The following LRRIQ3 variants were observed in gnomAD, a reference collection of about 807,000 sequenced individuals.
LRRIQ3 encodes leucine-rich repeat and IQ domain-containing protein 3.
LRRIQ3 carries 75 observed loss-of-function variants against 59.3 expected under a neutral mutation model. The observed-to-expected ratio is 1.26, with a 90% confidence interval of 1.05 to 1.53. LRRIQ3 has a LOEUF of 1.53. LRRIQ3 is among the 40% of genes most tolerant of loss of function. The pLI is 0.00. For missense variants in LRRIQ3, 831 were observed against 710.0 expected (o/e 1.17, Z -1.94); for synonymous variants, 250 against 231.3 (o/e 1.08, Z -0.73).
intron 4 of LRRIQ3, among the ~76,000 whole-genome samples, chr1:74,126,314 T>C (rs563289457): frequency 1.3e-5 from 2 of 151,824 alleles, no homozygotes; most frequent in Non-Finnish European, 2.9e-5. Context: ...TTTCATTTCA[T>C]TGGTCTTTTG....
chr1:74,054,750 A>ATATATC lies in LRRIQ3; in HGVS notation c.998-12818_998-12817insGATATA, dbSNP rs1553162599. ...AGGAAGAAAACACAAATATATATAT[A>ATATATC]TATATATCTATATATCTACATACAC... On this transcript the variant is annotated intron_variant, in intron 6 of 7. Transcript: ENST00000354431. 6.8e-3 allele frequency among the ~76,000 whole-genome samples: 987 copies of ATATATC among 145,722 alleles called. 14 individuals carry two copies. The highest frequency in any genetic ancestry group is 0.024 in the African/African-American group (946 of 40,022).
chr1:74,123,919 C>T, intron 4 of LRRIQ3, among the ~76,000 whole-genome samples: 1 of 151,832 alleles, frequency 6.6e-6, no homozygotes, highest in East Asian at 1.9e-4. Context: ...TACATTCCTA[C>T]CAACAATGCC....
intron 3 of LRRIQ3, among the ~76,000 whole-genome samples, chr1:74,179,659 C>A (rs1410243232): frequency 6.6e-6 from 1 of 151,914 alleles, no homozygotes; most frequent in African/African-American, 2.4e-5. Context: ...AAATACAAAA[C>A]ATTTCAATGA....
chr1:74,158,216 T>G (rs1320286400), intron 3 of LRRIQ3, among the ~76,000 whole-genome samples: 1 of 152,176 alleles, frequency 6.6e-6, no homozygotes, highest in Non-Finnish European at 1.5e-5. Flanking sequence ...CTTCATTAAT[T>G]CCTGTTCCCC....
intron 4 of LRRIQ3, among the ~76,000 whole-genome samples, chr1:74,140,373 A>T (rs1319151258): frequency 1.3e-5 from 2 of 151,834 alleles, no homozygotes; most frequent in African/African-American, 2.4e-5. Context: ...TGACATAATG[A>T]TTTTTAATTT....
chr1:74,167,664 C>A (rs756588065), intron 3 of LRRIQ3, among the ~76,000 whole-genome samples: 3 of 151,504 alleles, frequency 2.0e-5, no homozygotes, highest in Non-Finnish European at 4.4e-5. Context: ...ATATTGTGTA[C>A]ATTGCTCTGG....
Position 74,096,717 on chromosome 1 carries a change from T to C in LRRIQ3, c.867+12677A>G, listed in dbSNP as rs948211059. Among the ~76,000 whole-genome samples the C allele has an allele frequency of 7.2e-5, 11 of 152,230 alleles. No individual in the cohort carries two copies. In the South Asian group the frequency reaches 1.2e-3, roughly 17 times the overall value. On this transcript the variant is annotated intron_variant, in intron 5 of 7. Coordinates refer to ENST00000354431, the MANE Select transcript of LRRIQ3 (RefSeq NM_001105659.2). Reference sequence around the variant, plus strand: ...GTCTTTGATGATGGTGACATACAGATGGGGTTTTGGTGTGGAGGTCCTTTC... The same window carrying C: ...GTCTTTGATGATGGTGACATACAGACGGGGTTTTGGTGTGGAGGTCCTTTC...
chr1:74,053,863 A>C (rs533898683), intron 6 of LRRIQ3, among the ~76,000 whole-genome samples: 33 of 152,290 alleles, frequency 2.2e-4, no homozygotes, highest in African/African-American at 7.9e-4. Flanking sequence ...AACATTGACA[A>C]CACCAAATAC....
intron 1 of LRRIQ3, among the ~76,000 whole-genome samples, chr1:74,185,132 T>C (rs1650274731): frequency 6.6e-6 from 1 of 152,216 alleles, no homozygotes; most frequent in East Asian, 1.9e-4. Context: ...GTGCAGGTTT[T>C]TGTGTGGATA....
At chr1:74,078,189 A>G (rs1049902963) in intron 5 of LRRIQ3, among the ~76,000 whole-genome samples, 1 of 151,858 alleles carries the variant, frequency 6.6e-6, no homozygotes, top group Non-Finnish European at 1.5e-5. Context: ...TTAGATAGAG[A>G]TCAGAAACGT....
chr1:74,121,568 A>G (rs191238669), intron 4 of LRRIQ3, among the ~76,000 whole-genome samples: 4 of 151,860 alleles, frequency 2.6e-5, no homozygotes, highest in Non-Finnish European at 5.9e-5. Flanking sequence ...TTGGTTACAG[A>G]TCTTCTCATT....
intron 3 of LRRIQ3, among the ~76,000 whole-genome samples, chr1:74,173,921 G>GT (rs1381976353): frequency 6.6e-6 from 1 of 151,912 alleles, no homozygotes; most frequent in Non-Finnish European, 1.5e-5. Flanking sequence ...GTTTTTTATT[G>GT]TTGTTTATAT....
At chr1:74,083,584 A>C (rs1208629938) in intron 5 of LRRIQ3, 1 of 151,734 alleles carries the variant, frequency 6.6e-6, no homozygotes, top group Non-Finnish European at 1.5e-5. Context: ...AACTATCTTA[A>C]CTAGACCAGA....
chr1:74,180,892 C>A, intron 3 of LRRIQ3: 2 of 1,102,500 alleles, frequency 1.8e-6, no homozygotes, highest in East Asian at 2.6e-5. Context: ...CCCTTTCAGT[C>A]TGTGTTAATG....
rs187060636 is a variant in LRRIQ3 at position 74,093,844 on chromosome 1, A to T, written c.867+15550T>A. On this transcript the variant is annotated intron_variant, in intron 5 of 7. Coordinates refer to ENST00000354431, the MANE Select transcript of LRRIQ3 (RefSeq NM_001105659.2). ...AATCTGCCAAATACTTCCCTTCATGACATGGTTTGATGAGCTGAATAAAGG... is the reference window on the plus strand; with the variant it reads ...AATCTGCCAAATACTTCCCTTCATGTCATGGTTTGATGAGCTGAATAAAGG... Among the ~76,000 whole-genome samples the T allele has an allele frequency of 2.5e-3, 387 of 152,228 alleles. 3 individuals are homozygous for T. Among genetic ancestry groups the T allele is most frequent in the African/African-American group, 8.3e-3 (344 of 41,560 alleles).
chr1:74,182,655 T>C lies in LRRIQ3; in HGVS notation c.456A>G (p.Lys152=). The C allele has an allele frequency of 1.2e-6, 2 of 1,611,898 alleles. No individual in the cohort carries two copies. Among genetic ancestry groups the C allele is most frequent in the Non-Finnish European group, 8.5e-7 (1 of 1,178,582 alleles). ...HVLVNSIWPL[K]ALDHHVISDE... ...CAGAAATCACATGATGATCCAGCGCTTTGAGAGGCCATATACTGTTAACAA... is the reference window on the plus strand; with the variant it reads ...CAGAAATCACATGATGATCCAGCGCCTTGAGAGGCCATATACTGTTAACAA... The change falls in exon 3 of 8, where the codon AAA becomes AAG. Residue 152 remains lysine, a synonymous_variant. Coordinates refer to ENST00000354431, the MANE Select transcript of LRRIQ3 (RefSeq NM_001105659.2).
At chr1:74,117,919 T>G (rs1217555537) in intron 4 of LRRIQ3, among the ~76,000 whole-genome samples, 5 of 152,140 alleles carry the variant, frequency 3.3e-5, no homozygotes, top group African/African-American at 1.2e-4. Context: ...TATGTAAATT[T>G]ACAGGGTTTT....
rs372934940 is a variant in LRRIQ3, at chr1:74,100,828, C to A, written c.867+8566G>T. Among the ~76,000 whole-genome samples, 7 of 151,970 alleles carry A rather than the reference C, an allele frequency of 4.6e-5. No homozygotes were observed. The South Asian group carries it at 6.3e-4, about 14-fold the overall frequency. Reference sequence around the variant, plus strand: ...TGGGGAAAGGATTCCCTATTTAATACATGATGCTGGGAAAACTGGCTAGCC... The same window carrying A: ...TGGGGAAAGGATTCCCTATTTAATAAATGATGCTGGGAAAACTGGCTAGCC... On this transcript the variant is annotated intron_variant, in intron 5 of 7. Transcript: ENST00000354431.
At chr1:74,039,905 C>T (rs1392223710) in intron 7 of LRRIQ3, among the ~76,000 whole-genome samples, 2 of 152,104 alleles carry the variant, frequency 1.3e-5, no homozygotes, top group East Asian at 3.9e-4. Flanking sequence ...CAGATAGCAT[C>T]ATGATGACAG....
Sources: allele counts gnomAD v4.1 joint callset (sites outside exome capture counted in the v4.1 genomes callset), GRCh38; gene constraint gnomAD v4.1.1; transcripts MANE v1.5; gene names NCBI Gene and HGNC (gene_info 2026-07-23, HGNC 2026-07-21).